Variants in ITIH6 observed in about 807,000 individuals in gnomAD.
ITIH6 encodes inter-alpha-trypsin inhibitor heavy chain H6.
A neutral mutation model predicts 58.2 loss-of-function variants in ITIH6; 60 were observed. That is an observed-to-expected ratio of 1.03 (90% CI 0.84 to 1.28). The LOEUF (loss-of-function observed/expected upper bound fraction) is 1.28, where lower values mean the gene tolerates loss of function less well. Among genes scored for constraint, ITIH6 ranks in the 50% most tolerant of loss-of-function variants. The pLI is 0.00. For missense variants in ITIH6, 1,290 were observed against 1,021.1 expected, an observed-to-expected ratio of 1.26 and a Z score of -3.59; for synonymous variants, 493 against 417.4, an observed-to-expected ratio of 1.18 and a Z score of -2.21.
chrX:54,763,578 C>A (rs1928700907), intron 6 of ITIH6, among the ~76,000 whole-genome samples: 1 of 112,138 alleles, frequency 8.9e-6, no homozygotes, highest in Non-Finnish European at 1.9e-5. Context: ...AGGATATGGT[C>A]CATCTTGGTA....
rs770864707 is a variant in ITIH6, at chrX:54,757,279, G to A, written c.2795C>T (p.Thr932Ile). Residue 932 changes from threonine to isoleucine, a missense_variant, in exon 8 of 13, where the codon ACT becomes ATT. Physicochemically the swap from Thr to Ile is moderately conservative, Grantham distance 89. Coordinates refer to ENST00000218436, the MANE Select transcript of ITIH6 (RefSeq NM_198510.3). Reference protein sequence around the residue: ...VLGEPLPMPFTPTLPPGRFWH... With the variant: ...VLGEPLPMPFIPTLPPGRFWH... ...GAACCTTCCAGGGGGCAGAGTGGGA[G>A]TAAAGGGCATGGGGAGGGGTTCTCC... 3 of 1,193,528 alleles carry A rather than the reference G, an allele frequency of 2.5e-6. No individual in the cohort carries two copies. Among genetic ancestry groups the A allele is most frequent in the East Asian group, 3.0e-5 (1 of 33,674 alleles).
intron 5 of ITIH6, among the ~76,000 whole-genome samples, chrX:54,775,114 T>C (rs1255331488): frequency 1.8e-5 from 2 of 111,721 alleles, no homozygotes; most frequent in Non-Finnish European, 3.8e-5. Flanking sequence ...AATTCACATG[T>C]GCAATTGCAG....
At chrX:54,765,594 C>CT (rs1178444249) in intron 6 of ITIH6, among the ~76,000 whole-genome samples, 855 of 79,129 alleles carry the variant, frequency 0.011, 6 homozygotes, top group African/African-American at 0.02. Context: ...TATTTCTTTT[C>CT]TTTTTTTTTT....
intron 2 of ITIH6, among the ~76,000 whole-genome samples, chrX:54,792,360 A>C (rs1174723215): frequency 9.0e-6 from 1 of 111,722 alleles, no homozygotes; most frequent in Non-Finnish European, 1.9e-5. Flanking sequence ...ACACAGCATA[A>C]TTTTAGGTAC....
In ITIH6 at chrX:54,770,387, C is replaced by T. The variant is rs187263564; in HGVS notation, c.903+3694G>A. On this transcript the variant is annotated intron_variant, in intron 6 of 12. Coordinates refer to ENST00000218436, the MANE Select transcript of ITIH6 (RefSeq NM_198510.3). ...GTAGACCGGAGCTGTTCCTATTCGG[C>T]CATCTTGGCTCCTCCCCTTAAAATT... Among the ~76,000 whole-genome samples the T allele has an allele frequency of 2.7e-5, 3 of 112,960 alleles. No homozygotes were observed. The Admixed American group carries it at 2.8e-4, about 10-fold the overall frequency.
intron 5 of ITIH6, among the ~76,000 whole-genome samples, chrX:54,784,824 C>G (rs1406844512): frequency 3.6e-5 from 4 of 111,659 alleles, no homozygotes; most frequent in Non-Finnish European, 7.5e-5. Flanking sequence ...ATCATACAAT[C>G]CGGCCATTCC....
chrX:54,791,154 C>T, intron 3 of ITIH6, 70 bp from the exon 4 acceptor site: 1 of 1,096,633 alleles, frequency 9.1e-7, no homozygotes, highest in Non-Finnish European at 1.2e-6. Context: ...TGTTAGATGA[C>T]CTAGTTTTGC....
In ITIH6 at chrX:54,790,854, C is replaced by T. The variant is rs182383291; in HGVS notation, c.599G>A (p.Arg200His). 5.1e-5 allele frequency: 62 copies of T among 1,210,786 alleles called. No individual in the cohort carries two copies. Among genetic ancestry groups the T allele is most frequent in the Middle Eastern group, 2.3e-4 (1 of 4,354 alleles). Residue 200 changes from arginine (R) to histidine (H), a missense_variant, in exon 4 of 13, where the codon CGC (arginine) becomes CAC (histidine). Arg to His is a conservative substitution (Grantham distance 29, BLOSUM62 0). Coordinates refer to ENST00000218436, the MANE Select transcript of ITIH6 (RefSeq NM_198510.3). ...HIPPLRTGRL[R>H]TNAHASEVDS... ...CCACATACTTGCATGGGCATTGGTGCGCAGACGGCCGGTCCTCAGGGGTGG... is the reference window on the plus strand; with the variant it reads ...CCACATACTTGCATGGGCATTGGTGTGCAGACGGCCGGTCCTCAGGGGTGG...
chrX:54,749,509 G>T lies in ITIH6; in HGVS notation c.*386C>A. ...ATGCAGAAGGAAAAGCACATGCAAT[G>T]GTCCAGTGGTAGGAGTGAGCATGGT... On this transcript the variant is annotated 3_prime_UTR_variant, in exon 13 of 13. Coordinates refer to ENST00000218436, the MANE Select transcript of ITIH6 (RefSeq NM_198510.3). 1 of 143,560 alleles carries T rather than the reference G, an allele frequency of 7.0e-6. No homozygotes were observed. The highest frequency in any genetic ancestry group is 1.4e-5 in the Non-Finnish European group (1 of 73,355). The allele number at this position is 143,560 out of a possible 1,213,427, so 11.8% of individuals were successfully genotyped here.
rs185332814 is a variant in ITIH6 at position 54,786,848 on chromosome X, C to A, written c.786+1632G>T. 3.2e-3 allele frequency among the ~76,000 whole-genome samples: 354 copies of A among 111,591 alleles called. 3 individuals are homozygous for A. Among genetic ancestry groups the A allele is most frequent in the African/African-American group, 0.011 (323 of 30,637 alleles). ...GTGTGATACCCTTCCGGGTTCCCAA[C>A]GTTGGCCAACTCAAGGTATGACACA... On this transcript the variant is annotated intron_variant, in intron 5 of 12. Coordinates refer to ENST00000218436, the MANE Select transcript of ITIH6 (RefSeq NM_198510.3).
In ITIH6 at chrX:54,757,494, G is replaced by A; in HGVS notation, c.2580C>T (p.Ala860=). The A allele has an allele frequency of 8.3e-7, 1 of 1,211,036 alleles. No individual in the cohort carries two copies. Among genetic ancestry groups the A allele is most frequent in the Non-Finnish European group, 1.1e-6 (1 of 895,273 alleles). Residue 860 remains alanine (A), a synonymous_variant, in exon 8 of 13, where the codon GCC becomes GCT. Coordinates refer to ENST00000218436, the MANE Select transcript of ITIH6 (RefSeq NM_198510.3). ...PKILLSLKPS[A]PPHQISTSIS... ...TGCTTGTGGAAATTTGGTGTGGTGG[G>A]GCACTCGGTTTAAGAGATAATAAGA...
intron 11 of ITIH6, 147 bp downstream of exon 11, chrX:54,753,502 TTG>T (rs1297824019): frequency 2.3e-6 from 1 of 428,116 alleles, no homozygotes. Flanking sequence ...GTGTGTTTTT[TTG>T]TGTGTCTTGG....
At chrX:54,769,921 C>T (rs1462760112) in intron 6 of ITIH6, among the ~76,000 whole-genome samples, 21 of 103,108 alleles carry the variant, frequency 2.0e-4, no homozygotes, top group African/African-American at 7.0e-4. Flanking sequence ...TTCGAGCTTC[C>T]CGGCTGCTTT....
chrX:54,765,802 G>A (rs1488263936), intron 6 of ITIH6, among the ~76,000 whole-genome samples: 1 of 109,340 alleles, frequency 9.1e-6, no homozygotes, highest in Non-Finnish European at 1.9e-5. Flanking sequence ...TAGCCTTGTA[G>A]TATAGTTTGA....
intron 4 of ITIH6, 92 bp from the exon 5 acceptor site, chrX:54,788,741 G>C: frequency 4.1e-6 from 3 of 725,193 alleles, no homozygotes; most frequent in South Asian, 5.1e-5. Context: ...GTGCTATCTG[G>C]GGAGGGTGAG....
chrX:54,776,115 T>A (rs1367762288), intron 5 of ITIH6, among the ~76,000 whole-genome samples: 1 of 109,647 alleles, frequency 9.1e-6, no homozygotes, highest in Non-Finnish European at 1.9e-5. Context: ...AGCATTTCTG[T>A]GTGTTGGGGG....
chrX:54,763,426 G>A (rs1928697216), intron 6 of ITIH6, among the ~76,000 whole-genome samples: 1 of 112,038 alleles, frequency 8.9e-6, no homozygotes, highest in Non-Finnish European at 1.9e-5. Flanking sequence ...GACTGTAGAA[G>A]TGTGCTGTTT....
chrX:54,771,423 C>T (rs141951663), intron 6 of ITIH6, among the ~76,000 whole-genome samples: 1,615 of 111,853 alleles, frequency 0.014, 34 homozygotes, highest in African/African-American at 0.051. Context: ...TTTCTATGAA[C>T]GTATCTTCAA....
In ITIH6 at chrX:54,788,590, T is replaced by G. The variant is rs768553728; in HGVS notation, c.676A>C (p.Thr226Pro). 8.3e-7 allele frequency: 1 copy of G among 1,209,171 alleles called. No individual in the cohort carries two copies. The highest frequency in any genetic ancestry group is 1.1e-6 in the Non-Finnish European group (1 of 893,901). The change falls in exon 5 of 13, where the codon ACC becomes CCC. Residue 226 changes from threonine (T) to proline (P), a missense_variant. By Grantham distance (38) the Thr-to-Pro change is conservative (BLOSUM62 -1). Transcript: ENST00000218436. ...TGGTCTTGCAATGTCGGGCAGTAGGTGATTCGGACACAGGTCTCTCCCCTC... is the reference window on the plus strand; with the variant it reads ...TGGTCTTGCAATGTCGGGCAGTAGGGGATTCGGACACAGGTCTCTCCCCTC... ...IERGETCVRI[T>P]YCPTLQDQSS...
Sources: gnomAD v4.1 joint callset for allele counts (sites outside exome capture counted in the v4.1 genomes callset) on GRCh38, gnomAD v4.1.1 for gene constraint, MANE v1.5 for transcripts, NCBI Gene and HGNC (gene_info 2026-07-23, HGNC 2026-07-21) for gene names.